FBXO4: variants seen among roughly 807,000 people sequenced by gnomAD.
FBXO4 encodes F-box protein 4.
FBXO4 carries 36 observed loss-of-function variants against 43.7 expected under a neutral mutation model. The observed-to-expected ratio is 0.82, with a 90% CI of 0.63 to 1.09. FBXO4 has a LOEUF of 1.09. FBXO4 is among the 50% of genes least tolerant of loss of function. The pLI is 0.00. For synonymous variants in FBXO4, 180 were observed against 165.6 expected (o/e 1.09, Z -0.67); for missense variants, 435 against 474.1 (o/e 0.92, Z 0.77).
chr5:41,965,768 A>C, the FBXO4 span, among the ~76,000 whole-genome samples: 2 of 152,210 alleles, frequency 1.3e-5, no homozygotes, highest in Non-Finnish European at 2.9e-5. Context: ...GCGATTCCTC[A>C]GGGATCTAGA....
At chr5:41,944,374 C>T (rs1482595704), downstream of FBXO4, among the ~76,000 whole-genome samples, 4 of 152,102 alleles carry the variant, frequency 2.6e-5, no homozygotes, top group East Asian at 1.9e-4. Context: ...TGTTGAGAAA[C>T]GTTCAATGGT....
the FBXO4 span, among the ~76,000 whole-genome samples, chr5:42,000,458 G>T: frequency 6.6e-6 from 1 of 152,064 alleles, no homozygotes; most frequent in African/African-American, 2.4e-5. Flanking sequence ...TTGAGATATT[G>T]AAATATTTGT....
chr5:41,945,354 G>C (rs1752062519), downstream of FBXO4, among the ~76,000 whole-genome samples: 1 of 152,008 alleles, frequency 6.6e-6, no homozygotes, highest in African/African-American at 2.4e-5. Context: ...GGCTAAATGT[G>C]GACATTAAAA....
the FBXO4 span, chr5:41,952,056 C>T: frequency 0.013 from 3,036 of 227,608 alleles, 30 homozygotes; most frequent in Middle Eastern, 0.067. Context: ...GATGCAGATG[C>T]TATCACTTTT....
rs1419617158 is a variant in FBXO4, at chr5:41,934,218, G to A, written c.808G>A (p.Gly270Arg). The A allele has an allele frequency of 1.9e-6, 3 of 1,614,124 alleles. No individual in the cohort carries two copies. The highest frequency in any genetic ancestry group is 2.2e-5 in the South Asian group (2 of 91,082). Residue 270 changes from glycine (G) to arginine (R), a missense_variant, in exon 5 of 7, where the codon GGA (glycine) becomes AGA (arginine). By Grantham distance (125) the Gly-to-Arg change is moderately radical. Transcript: ENST00000281623. Reference protein sequence around the residue: ...SRHNEGDDQQGSRYSVIPQIQ... With the variant: ...SRHNEGDDQQRSRYSVIPQIQ... ...ACACAATGAAGGTGATGATCAACAA[G>A]GAAGCCGGTACAGTGTGATTCCACA...
chr5:41,925,865 A>C (rs967781117), intron 1 of FBXO4, among the ~76,000 whole-genome samples: 2 of 152,204 alleles, frequency 1.3e-5, no homozygotes, highest in African/African-American at 4.8e-5. Context: ...TTGGGAAAGC[A>C]TTCCAGCGTC....
At chr5:41,987,263 T>C in the FBXO4 span, among the ~76,000 whole-genome samples, 1 of 152,190 alleles carries the variant, frequency 6.6e-6, no homozygotes, top group African/African-American at 2.4e-5. Context: ...TTCATTGTAA[T>C]ATAATGCAAC....
the FBXO4 span, among the ~76,000 whole-genome samples, chr5:41,995,430 GTTC>G: frequency 2.6e-5 from 4 of 152,206 alleles, no homozygotes; most frequent in Admixed American, 6.5e-5. Context: ...AGGACTAAGT[GTTC>G]TTCTCTGCTG....
the FBXO4 span, among the ~76,000 whole-genome samples, chr5:41,995,117 A>T: frequency 6.6e-6 from 1 of 152,210 alleles, no homozygotes; most frequent in Non-Finnish European, 1.5e-5. Flanking sequence ...GATGGGGAAC[A>T]TGGTAAGACC....
the FBXO4 span, among the ~76,000 whole-genome samples, chr5:42,022,777 G>C: frequency 6.6e-6 from 1 of 152,010 alleles, no homozygotes; most frequent in East Asian, 1.9e-4. Flanking sequence ...TCTCCAGACT[G>C]TTTTGGTTTG....
chr5:42,018,797 G>A, the FBXO4 span, among the ~76,000 whole-genome samples: 1 of 152,114 alleles, frequency 6.6e-6, no homozygotes, highest in South Asian at 2.1e-4. Flanking sequence ...TTGATCGGTG[G>A]CACAATTATA....
At chr5:41,932,683 A>G (rs1053612279) in intron 3 of FBXO4, among the ~76,000 whole-genome samples, 6 of 152,212 alleles carry the variant, frequency 3.9e-5, no homozygotes, top group Admixed American at 2.0e-4. Context: ...AAAGGATAAT[A>G]GGAGGCAAGA....
chr5:41,930,947 C>T (rs572499291), intron 3 of FBXO4, among the ~76,000 whole-genome samples: 5 of 152,330 alleles, frequency 3.3e-5, no homozygotes, highest in East Asian at 1.9e-4. Flanking sequence ...TGAGCCACCG[C>T]GCCCGGCGGA....
the FBXO4 span, among the ~76,000 whole-genome samples, chr5:41,982,744 T>C: frequency 2.0e-5 from 3 of 152,168 alleles, no homozygotes; most frequent in Non-Finnish European, 4.4e-5. Context: ...ATACTTTAAA[T>C]TCTGGAGTAC....
the FBXO4 span, among the ~76,000 whole-genome samples, chr5:42,035,196 C>A: frequency 8.5e-5 from 13 of 152,134 alleles, no homozygotes; most frequent in African/African-American, 2.9e-4. Context: ...GCTGAAGTTG[C>A]TTATCGGCTT....
the FBXO4 span, among the ~76,000 whole-genome samples, chr5:42,021,944 G>C: frequency 6.6e-6 from 1 of 152,070 alleles, no homozygotes; most frequent in Admixed American, 6.6e-5. Context: ...TCCTGTTGAT[G>C]GTGAGAGCAA....
chr5:41,941,315 T>C lies in FBXO4; in HGVS notation c.*34T>C, dbSNP rs919463487. 5 of 1,570,070 alleles carry C rather than the reference T, an allele frequency of 3.2e-6. No individual in the cohort carries two copies. The Admixed American group carries it at 8.3e-5, about 26-fold the overall frequency. On this transcript the variant is annotated 3_prime_UTR_variant, in exon 7 of 7. Coordinates refer to ENST00000281623, the MANE Select transcript of FBXO4 (RefSeq NM_012176.3). ...TCAGATCTTGGGAACTGAAACCATT[T>C]GAAATTTATTACTAAGGTCGTGATG...
At chr5:41,964,310 T>C in the FBXO4 span, among the ~76,000 whole-genome samples, 1 of 151,844 alleles carries the variant, frequency 6.6e-6, no homozygotes, top group African/African-American at 2.4e-5. Context: ...AGAGATTGAT[T>C]TTTTTTTACT....
chr5:42,002,508 C>T, the FBXO4 span, among the ~76,000 whole-genome samples: 2 of 152,180 alleles, frequency 1.3e-5, no homozygotes, highest in African/African-American at 4.8e-5. Context: ...GATTGCCCAA[C>T]TAAGATTTTT....
Sources: gnomAD v4.1 joint callset for allele counts (sites outside exome capture counted in the v4.1 genomes callset) on GRCh38, gnomAD v4.1.1 for gene constraint, MANE v1.5 for transcripts, NCBI Gene and HGNC (gene_info 2026-07-23, HGNC 2026-07-21) for gene names.